CACNG2: variants seen among roughly 807,000 people sequenced by gnomAD.
The protein encoded by CACNG2 is calcium voltage-gated channel auxiliary subunit gamma 2.
CACNG2 carries 3 observed loss-of-function variants against 25.9 expected under a neutral mutation model. That is an observed-to-expected ratio of 0.12 (90% CI 0.05 to 0.30). CACNG2 has a LOEUF of 0.30. Among genes scored for constraint, CACNG2 ranks in the 10% least tolerant of loss-of-function variants. CACNG2 has a pLI of 1.00. For missense variants in CACNG2, 341 were observed against 432.5 expected, an observed-to-expected ratio of 0.79 and a Z score of 1.88; for synonymous variants, 167 against 173.3, an observed-to-expected ratio of 0.96 and a Z score of 0.29.
chr22:36,646,865 A>G (rs1272611019), intron 1 of CACNG2, among the ~76,000 whole-genome samples: 1 of 152,030 alleles, frequency 6.6e-6, no homozygotes, highest in East Asian at 1.9e-4. Flanking sequence ...GAAAGAATAA[A>G]TGAATGAGCT....
chr22:36,665,601 A>T (rs759310724), intron 1 of CACNG2, among the ~76,000 whole-genome samples: 7 of 152,258 alleles, frequency 4.6e-5, no homozygotes, highest in Admixed American at 1.3e-4. Context: ...ATGACCAATA[A>T]GCAAGCACAT....
intron 1 of CACNG2, among the ~76,000 whole-genome samples, chr22:36,605,377 A>T (rs1011004483): frequency 5.9e-5 from 9 of 152,180 alleles, no homozygotes; most frequent in African/African-American, 1.7e-4. Context: ...GCCCGGCCCC[A>T]ACATAACTTT....
intron 1 of CACNG2, among the ~76,000 whole-genome samples, chr22:36,624,707 C>A (rs1936156951): frequency 6.6e-6 from 1 of 152,070 alleles, no homozygotes; most frequent in Admixed American, 6.6e-5. Flanking sequence ...GATTCTGTGA[C>A]TCTGGGGTGA....
At chr22:36,699,578 G>A (rs1937385050) in intron 1 of CACNG2, among the ~76,000 whole-genome samples, 1 of 149,522 alleles carries the variant, frequency 6.7e-6, no homozygotes, top group African/African-American at 2.5e-5. Flanking sequence ...CGGCATCTTA[G>A]AAAGAAGATG....
At chr22:36,690,428 G>T (rs943083466) in intron 1 of CACNG2, among the ~76,000 whole-genome samples, 4 of 152,160 alleles carry the variant, frequency 2.6e-5, no homozygotes, top group Non-Finnish European at 5.9e-5. Context: ...ACATTTGAGG[G>T]CCAAGCACAA....
At chr22:36,628,445 A>G (rs1936217480) in intron 1 of CACNG2, among the ~76,000 whole-genome samples, 1 of 152,228 alleles carries the variant, frequency 6.6e-6, no homozygotes, top group Non-Finnish European at 1.5e-5. Context: ...TGCAAACACT[A>G]GTTATAACGA....
intron 1 of CACNG2, among the ~76,000 whole-genome samples, chr22:36,658,983 T>G (rs933254145): frequency 3.3e-5 from 5 of 152,030 alleles, no homozygotes; most frequent in African/African-American, 1.2e-4. Context: ...ACGGTGGCTC[T>G]CCGAAGTGTA....
chr22:36,585,159 TG>T (rs1935479781), intron 2 of CACNG2: 1 of 152,242 alleles, frequency 6.6e-6, no homozygotes, highest in Non-Finnish European at 1.5e-5. Flanking sequence ...TCTGGGTGCT[TG>T]GGGTGCAGAA....
At position 36,566,471 on chromosome 22, in the gene CACNG2, A is replaced by G. The variant is rs968287770; in HGVS notation, c.318T>C (p.Ile106=). The G allele has an allele frequency of 3.9e-5, 63 of 1,614,048 alleles. No homozygotes were observed. Among genetic ancestry groups the G allele is most frequent in the Non-Finnish European group, 5.2e-5 (61 of 1,180,050 alleles). Reference sequence around the variant, plus strand: ...GCAGAATCACACTCAGGATTGGGAAAATGCTGGAGGCCCTCACGGCCCCTG... The same window carrying G: ...GCAGAATCACACTCAGGATTGGGAAGATGCTGGAGGCCCTCACGGCCCCTG... The part of the protein sequence containing the change: ...YFLRAVRASS[I]FPILSVILLF... The change falls in exon 3 of 4, where the codon ATT becomes ATC. Residue 106 remains isoleucine (I), a synonymous_variant. Transcript: ENST00000300105.
chr22:36,570,599 A>G (rs1275048780), intron 2 of CACNG2, among the ~76,000 whole-genome samples: 1 of 151,800 alleles, frequency 6.6e-6, no homozygotes, highest in African/African-American at 2.4e-5. Context: ...GTCTCTACTG[A>G]AAAAAACACA....
At chr22:36,648,693 A>G (rs1224905607) in intron 1 of CACNG2, among the ~76,000 whole-genome samples, 1 of 152,020 alleles carries the variant, frequency 6.6e-6, no homozygotes, top group Non-Finnish European at 1.5e-5. Context: ...TGAAGTTTTG[A>G]TTTTCCCTTT....
chr22:36,676,341 C>G (rs911714780), intron 1 of CACNG2, among the ~76,000 whole-genome samples: 2 of 152,188 alleles, frequency 1.3e-5, no homozygotes, highest in African/African-American at 2.4e-5. Context: ...GAACCATGGC[C>G]CTCTCTTTAG....
At chr22:36,582,639 C>T (rs535595791) in intron 2 of CACNG2, among the ~76,000 whole-genome samples, 23 of 151,498 alleles carry the variant, frequency 1.5e-4, no homozygotes, top group African/African-American at 5.6e-4. Context: ...GAACTCCCAA[C>T]CTCAGGTGAT....
intron 1 of CACNG2, among the ~76,000 whole-genome samples, chr22:36,642,545 A>G (rs1029912388): frequency 1.3e-5 from 2 of 152,102 alleles, no homozygotes; most frequent in Non-Finnish European, 2.9e-5. Context: ...TAATTTTACT[A>G]CTGTTGTTTC....
At chr22:36,674,080 C>T (rs1936991529) in intron 1 of CACNG2, among the ~76,000 whole-genome samples, 1 of 152,190 alleles carries the variant, frequency 6.6e-6, no homozygotes, top group African/African-American at 2.4e-5. Context: ...GCCAAGTCAG[C>T]CCTGGCCATT....
At chr22:36,691,994 T>C (rs1410749751) in intron 1 of CACNG2, among the ~76,000 whole-genome samples, 1 of 151,856 alleles carries the variant, frequency 6.6e-6, no homozygotes, top group Non-Finnish European at 1.5e-5. Flanking sequence ...GAGATCCAGG[T>C]TGGGGGAAAA....
At chr22:36,681,558 C>G (rs921217753) in intron 1 of CACNG2, among the ~76,000 whole-genome samples, 1 of 152,122 alleles carries the variant, frequency 6.6e-6, no homozygotes, top group Non-Finnish European at 1.5e-5. Context: ...TGGGGGGCAG[C>G]CACTTTTATT....
At chr22:36,624,005 G>A (rs1384597390) in intron 1 of CACNG2, among the ~76,000 whole-genome samples, 1 of 152,104 alleles carries the variant, frequency 6.6e-6, no homozygotes, top group East Asian at 1.9e-4. Flanking sequence ...GCAGATTCTA[G>A]ACTGTACAGT....
rs538597240 is a variant in CACNG2, at chr22:36,622,070, G to A, written c.212-34522C>T. On this transcript the variant is annotated intron_variant, in intron 1 of 3. Transcript: ENST00000300105. The stretch of plus-strand genomic sequence containing the variant: ...CCAAACACCATTACAAAGAAGGCAC[G>A]GCTCTCATTCCCTGTTTACAGATGA... 3.3e-5 allele frequency among the ~76,000 whole-genome samples: 5 copies of A among 152,298 alleles called. No homozygotes were observed. In the South Asian group the frequency reaches 8.3e-4, roughly 25 times the overall value.
Sources: gnomAD v4.1 joint callset for allele counts (sites outside exome capture counted in the v4.1 genomes callset) on GRCh38, gnomAD v4.1.1 for gene constraint, MANE v1.5 for transcripts, NCBI Gene and HGNC (gene_info 2026-07-23, HGNC 2026-07-21) for gene names.